RIMBP2: variants seen among roughly 807,000 people sequenced by gnomAD.
RIMBP2 encodes RIMS-binding protein 2.
Under a neutral mutation model 118.6 loss-of-function variants are expected in RIMBP2, and 48 were observed. That is an observed-to-expected ratio of 0.40 (90% confidence interval 0.32 to 0.51). The LOEUF is 0.51. Ranked by LOEUF, RIMBP2 falls within the 20% of genes least tolerant of loss-of-function variation. RIMBP2 has a pLI of 0.41. For missense variants in RIMBP2, 1,551 were observed against 1,768.3 expected, an observed-to-expected ratio of 0.88 and a Z score of 2.20; for synonymous variants, 762 against 742.9, an observed-to-expected ratio of 1.03 and a Z score of -0.42.
At position 130,422,105 on chromosome 12, in the gene RIMBP2, A is replaced by T. The variant is rs950691289; in HGVS notation, c.3238+348T>A. On this transcript the variant is annotated intron_variant, in intron 17 of 22. Coordinates refer to ENST00000690449, the MANE Select transcript of RIMBP2 (RefSeq NM_001393629.1). This position sits in a 1 kb window ranked among gnomAD's most constrained non-coding sequence, Gnocchi z 5.2. ...AGACCCCTGAGGCACGCTGACATCC[A>T]GCTTCTGCACCTGCCATGGACTGTG... Among the ~76,000 whole-genome samples the T allele has an allele frequency of 2.6e-5, 4 of 152,144 alleles. No individual in the cohort carries two copies. Among genetic ancestry groups the T allele is most frequent in the Admixed American group, 2.6e-4 (4 of 15,274 alleles).
Position 130,399,703 on chromosome 12 carries a change from C to T in RIMBP2, c.3876G>A (p.Thr1292=). The change falls in exon 22 of 23, where the codon ACG becomes ACA. Residue 1292 remains threonine, a synonymous_variant. Transcript: ENST00000690449. ...SDAPSHYSQD[T]PMRSKAKRVP... is the part of the protein sequence containing the mutation. ...CCCTTTTTGCCTTTGAGCGCATTGG[C>T]GTATCTTGAGAGTAGTGGGATGGAG... The T allele has an allele frequency of 4.3e-6, 7 of 1,614,128 alleles. No individual in the cohort carries two copies. Among genetic ancestry groups the T allele is most frequent in the Non-Finnish European group, 5.9e-6 (7 of 1,180,010 alleles).
intron 2 of RIMBP2, among the ~76,000 whole-genome samples, chr12:130,607,243 C>T (rs1185468038): frequency 6.6e-6 from 1 of 152,248 alleles, no homozygotes; most frequent in East Asian, 1.9e-4. Context: ...CTGTAATGCA[C>T]CTGGGCAGAG....
Position 130,546,097 on chromosome 12 carries a change from CT to C in RIMBP2, c.-216-28181del, listed in dbSNP as rs56407634. On this transcript the variant is annotated intron_variant, in intron 2 of 22. Coordinates refer to ENST00000690449, the MANE Select transcript of RIMBP2 (RefSeq NM_001393629.1). ...TGAGCAATTACAAATATCACTGCTT[CT>C]TTTTTTTTTTTTTTTTTTTGGGATG... Among the ~76,000 whole-genome samples, 727 of 103,512 alleles carry C rather than the reference CT, an allele frequency of 7.0e-3. 7 individuals are homozygous for C. The highest frequency in any genetic ancestry group is 0.025 in the African/African-American group (696 of 27,330). The allele number at this position is 103,512 out of a possible 152,430, so 67.9% of individuals were successfully genotyped here.
chr12:130,562,823 A>G (rs1023568480), intron 2 of RIMBP2, among the ~76,000 whole-genome samples: 14 of 152,264 alleles, frequency 9.2e-5, no homozygotes, highest in African/African-American at 3.1e-4. Flanking sequence ...CAATTCTGTA[A>G]GAGTGGTCTG....
chr12:130,573,653 G>C (rs1566288451), intron 2 of RIMBP2, among the ~76,000 whole-genome samples: 1 of 152,134 alleles, frequency 6.6e-6, no homozygotes, highest in Non-Finnish European at 1.5e-5. Flanking sequence ...ACCTGGGGGG[G>C]TGATGGCTGT....
intron 7 of RIMBP2, 78 bp from the exon 8 acceptor site, chr12:130,451,418 G>A (rs1421669517): frequency 1.2e-5 from 17 of 1,453,274 alleles, no homozygotes; most frequent in Middle Eastern, 1.8e-4. Flanking sequence ...GCGCCTACCC[G>A]GGGTGCCTTT....
At chr12:130,574,851 A>G (rs2057963377) in intron 2 of RIMBP2, among the ~76,000 whole-genome samples, 1 of 152,116 alleles carries the variant, frequency 6.6e-6, no homozygotes, top group East Asian at 1.9e-4. Flanking sequence ...AGGGAAGACA[A>G]CTTCCTAGAC....
chr12:130,502,298 C>T (rs2049873477), intron 4 of RIMBP2, among the ~76,000 whole-genome samples: 1 of 152,168 alleles, frequency 6.6e-6, no homozygotes, highest in Non-Finnish European at 1.5e-5. Flanking sequence ...CCCCAGGCTT[C>T]GGGACGGTTT....
chr12:130,417,621 C>T (rs537908631), intron 17 of RIMBP2, among the ~76,000 whole-genome samples: 23 of 152,272 alleles, frequency 1.5e-4, no homozygotes, highest in Admixed American at 2.6e-4. Flanking sequence ...CCTGACGGGG[C>T]GCTATGCTCA....
chr12:130,709,775 C>T (rs952779179), intron 1 of RIMBP2, among the ~76,000 whole-genome samples: 50 of 152,090 alleles, frequency 3.3e-4, no homozygotes, highest in African/African-American at 1.1e-3. Flanking sequence ...ATTCCCATCG[C>T]GGACACACAC....
chr12:130,473,414 G>A (rs865818739), intron 5 of RIMBP2, among the ~76,000 whole-genome samples: 3 of 152,346 alleles, frequency 2.0e-5, no homozygotes, highest in East Asian at 1.9e-4. Flanking sequence ...CAGGCCCTGC[G>A]GCAGGAGCAG....
intron 1 of RIMBP2, among the ~76,000 whole-genome samples, chr12:130,680,228 C>A (rs748709355): frequency 6.6e-6 from 1 of 152,224 alleles, no homozygotes; most frequent in Non-Finnish European, 1.5e-5. Flanking sequence ...ACATACCCTG[C>A]GACCCTACAG....
chr12:130,558,806 T>G (rs2056581235), intron 2 of RIMBP2, among the ~76,000 whole-genome samples: 1 of 150,630 alleles, frequency 6.6e-6, no homozygotes, highest in Non-Finnish European at 1.5e-5. Flanking sequence ...TCTGTGTTTC[T>G]AATCCGCTTC....
chr12:130,544,836 G>T (rs907878271), intron 2 of RIMBP2, among the ~76,000 whole-genome samples: 29 of 151,864 alleles, frequency 1.9e-4, no homozygotes, highest in African/African-American at 7.0e-4. Flanking sequence ...CAGGTGATCT[G>T]CCTGCCTCCA....
At chr12:130,694,375 TG>T (rs2065474721) in intron 1 of RIMBP2, among the ~76,000 whole-genome samples, 2 of 152,166 alleles carry the variant, frequency 1.3e-5, no homozygotes, top group African/African-American at 4.8e-5. Context: ...AAAAATCATC[TG>T]AAAGTGGATA....
At chr12:130,536,492 C>T (rs949218975) in intron 2 of RIMBP2, among the ~76,000 whole-genome samples, 4 of 152,082 alleles carry the variant, frequency 2.6e-5, no homozygotes, top group African/African-American at 9.7e-5. Context: ...AAAATTTCAC[C>T]GTCATACCCC....
At chr12:130,680,402 A>G (rs1286869496) in intron 1 of RIMBP2, among the ~76,000 whole-genome samples, 1 of 152,184 alleles carries the variant, frequency 6.6e-6, no homozygotes, top group African/African-American at 2.4e-5. Context: ...AGCTGTGAGC[A>G]CACAGATGGT....
rs1300790061 is a variant in RIMBP2, at chr12:130,396,148, AATTTT to A, written c.*1208_*1212del. On this transcript the variant is annotated 3_prime_UTR_variant, in exon 23 of 23. Transcript: ENST00000690449. The stretch of plus-strand genomic sequence containing the variant: ...ATAAACAGTGTTGTATAAAATAACA[AATTTT>A]ATTTCTAGAAAATATTTTACACTAA... 3 of 152,676 alleles carry A rather than the reference AATTTT, an allele frequency of 2.0e-5. No individual in the cohort carries two copies. The highest frequency in any genetic ancestry group is 7.2e-5 in the African/African-American group (3 of 41,474). 9.5% of individuals were successfully genotyped at this position (152,676 alleles called of 1,614,324 possible).
chr12:130,498,987 G>T (rs915733951), intron 4 of RIMBP2, among the ~76,000 whole-genome samples: 2 of 152,220 alleles, frequency 1.3e-5, no homozygotes, highest in African/African-American at 4.8e-5. Flanking sequence ...GTGAAGAAAA[G>T]AGGTTTAACT....
Sources: gnomAD v4.1 joint callset for allele counts (sites outside exome capture counted in the v4.1 genomes callset) on GRCh38, gnomAD v4.1.1 for gene constraint, Gnocchi (gnomAD v3.1) non-coding constraint, MANE v1.5 for transcripts, NCBI Gene and HGNC (gene_info 2026-07-23, HGNC 2026-07-21) for gene names.